Variants in FYTTD1 observed in about 807,000 individuals in gnomAD.
The protein encoded by FYTTD1 is UAP56-interacting factor.
FYTTD1 carries 22 observed loss-of-function variants against 40.9 expected under a neutral mutation model. The observed-to-expected ratio is 0.54, with a 90% CI of 0.38 to 0.77. The LOEUF is 0.77. Ranked by LOEUF, FYTTD1 falls within the 30% of genes least tolerant of loss-of-function variation. FYTTD1 has a pLI of 0.00. For synonymous variants in FYTTD1, 140 were observed against 137.9 expected (o/e 1.01, Z -0.10); for missense variants, 351 against 392.2 (o/e 0.90, Z 0.89).
intron 4 of FYTTD1, among the ~76,000 whole-genome samples, chr3:197,771,474 C>G (rs1729713375): frequency 1.3e-5 from 2 of 152,156 alleles, no homozygotes; most frequent in South Asian, 4.1e-4. Flanking sequence ...AACCCCATCT[C>G]TACTGAAAAT....
At chr3:197,749,822 C>A, upstream of FYTTD1, 1 of 486,090 alleles carries the variant, frequency 2.1e-6, no homozygotes, top group South Asian at 3.6e-5. Flanking sequence ...GTCGGTGGCC[C>A]CGCCCCGCCC....
At chr3:197,774,292 A>C (rs1317285161) in intron 6 of FYTTD1, 82 bp downstream of exon 6, 2 of 1,157,220 alleles carry the variant, frequency 1.7e-6, no homozygotes, top group Non-Finnish European at 2.6e-6. Context: ...ACCTCAGTCC[A>C]GAAGAAATTA....
At chr3:197,776,463 T>G (rs1309942488) in intron 6 of FYTTD1, among the ~76,000 whole-genome samples, 1 of 148,806 alleles carries the variant, frequency 6.7e-6, no homozygotes, top group Non-Finnish European at 1.5e-5. Flanking sequence ...GACCTCATGA[T>G]CCACCTGCCT....
chr3:197,769,018 G>A (rs1380453047), intron 3 of FYTTD1, among the ~76,000 whole-genome samples: 1 of 149,238 alleles, frequency 6.7e-6, no homozygotes, highest in Non-Finnish European at 1.5e-5. Flanking sequence ...GCCCACCTTG[G>A]CCTCCCAAAG....
Position 197,782,710 on chromosome 3 carries a change from AC to A in FYTTD1, c.*804del, listed in dbSNP as rs911720688. 32 of 152,196 alleles carry A rather than the reference AC, an allele frequency of 2.1e-4. No homozygotes were observed. The highest frequency in any genetic ancestry group is 7.7e-4 in the African/African-American group (32 of 41,502). 9.4% of individuals were successfully genotyped at this position (152,196 alleles called of 1,614,324 possible). On this transcript the variant is annotated 3_prime_UTR_variant, in exon 9 of 9. Coordinates refer to ENST00000241502, the MANE Select transcript of FYTTD1 (RefSeq NM_032288.7). Reference sequence around the variant, plus strand: ...GGTAGTTGAGATGAAACACTTCAAAACCCTGGTTATAGATGTACTGTTTGGA... The same window carrying A: ...GGTAGTTGAGATGAAACACTTCAAAACCTGGTTATAGATGTACTGTTTGGA...
chr3:197,771,702 G>A (rs1475109273), intron 4 of FYTTD1, among the ~76,000 whole-genome samples: 9 of 150,344 alleles, frequency 6.0e-5, no homozygotes, highest in South Asian at 2.1e-4. Context: ...GCGTGAACCC[G>A]GGAGGCGGAG....
chr3:197,752,280 C>T (rs2109033967), intron 1 of FYTTD1, among the ~76,000 whole-genome samples: 1 of 152,328 alleles, frequency 6.6e-6, no homozygotes, highest in East Asian at 1.9e-4. Flanking sequence ...CCTGCCTCTG[C>T]CACTTTGTAA....
chr3:197,778,316 T>C (rs778771805), intron 7 of FYTTD1, 22 bp from the exon 8 acceptor site: 1 of 1,571,638 alleles, frequency 6.4e-7, no homozygotes, highest in Admixed American at 1.9e-5. Context: ...GCTGCTCTGA[T>C]ATTTTAATAT....
chr3:197,755,286 G>C (rs1448427352), intron 1 of FYTTD1, among the ~76,000 whole-genome samples: 1 of 152,038 alleles, frequency 6.6e-6, no homozygotes, highest in Non-Finnish European at 1.5e-5. Flanking sequence ...TTTAGAAAAG[G>C]GACCGTATTT....
chr3:197,777,243 T>G lies in FYTTD1; in HGVS notation c.731+242T>G, dbSNP rs191419477. On this transcript the variant is annotated intron_variant, in intron 7 of 8. Coordinates refer to ENST00000241502, the MANE Select transcript of FYTTD1 (RefSeq NM_032288.7). ...AGTGTTTTTTATGTTTTAAAAATTA[T>G]GTGCATGTATACTCTGTGTACCCTT... Among the ~76,000 whole-genome samples the G allele has an allele frequency of 3.3e-4, 51 of 152,360 alleles. 1 individual carries two copies. Among genetic ancestry groups the G allele is most frequent in the Middle Eastern group, 6.8e-3 (2 of 294 alleles).
chr3:197,749,918 AGGCCTGCGACTCC>A lies in FYTTD1; in HGVS notation c.-48_-36del. On this transcript the variant is annotated 5_prime_UTR_variant, in exon 1 of 9. Coordinates refer to ENST00000241502, the MANE Select transcript of FYTTD1 (RefSeq NM_032288.7). ...GCTGCGTGCGCGAGTGGGAGGTGGCAGGCCTGCGACTCCGGCCTTGTCCGCGCCCGCTCTCGGC... is the reference window on the plus strand; with the variant it reads ...GCTGCGTGCGCGAGTGGGAGGTGGCAGGCCTTGTCCGCGCCCGCTCTCGGC... 3.4e-6 allele frequency: 4 copies of A among 1,187,312 alleles called. No individual in the cohort carries two copies. In the South Asian group the frequency reaches 6.1e-5, roughly 18 times the overall value. The allele number at this position is 1,187,312 out of a possible 1,614,324, so 73.5% of individuals were successfully genotyped here.
chr3:197,765,900 G>T (rs1334274827), intron 2 of FYTTD1, among the ~76,000 whole-genome samples: 1 of 152,104 alleles, frequency 6.6e-6, no homozygotes, highest in Non-Finnish European at 1.5e-5. Flanking sequence ...GGAGACTGAG[G>T]CAGGAGAATG....
Position 197,759,130 on chromosome 3 carries a change from T to C in FYTTD1, c.235+2573T>C, listed in dbSNP as rs138336829. Among the ~76,000 whole-genome samples the C allele has an allele frequency of 3.1e-3, 469 of 151,964 alleles. 2 individuals carry two copies. The highest frequency in any genetic ancestry group is 0.01 in the Middle Eastern group (3 of 292). On this transcript the variant is annotated intron_variant, in intron 2 of 8. Transcript: ENST00000241502. ...CAGTGGTAGAATGTATAGAGTGTTC[T>C]TCAGTGGTAGAATGTATAGAGTTGT...
intron 8 of FYTTD1, among the ~76,000 whole-genome samples, chr3:197,779,079 T>C (rs538513430): frequency 6.0e-4 from 92 of 152,314 alleles, no homozygotes; most frequent in Middle Eastern, 6.8e-3. Flanking sequence ...TGTTCGACTA[T>C]AGCCATCTAG....
chr3:197,761,470 G>T (rs527844082), intron 2 of FYTTD1, among the ~76,000 whole-genome samples: 2 of 151,492 alleles, frequency 1.3e-5, no homozygotes, highest in African/African-American at 4.9e-5. Context: ...GTGGTAGAAT[G>T]TATAAAGTGT....
intron 2 of FYTTD1, among the ~76,000 whole-genome samples, chr3:197,758,393 T>C (rs931427547): frequency 1.3e-5 from 2 of 152,176 alleles, no homozygotes; most frequent in Non-Finnish European, 2.9e-5. Flanking sequence ...ACTGATTGGG[T>C]CCTAGGGGGT....
chr3:197,770,376 A>T (rs1166175421), intron 4 of FYTTD1, 132 bp downstream of exon 4: 1 of 639,226 alleles, frequency 1.6e-6, no homozygotes, highest in Non-Finnish European at 2.8e-6. Context: ...TGGGATGTCT[A>T]TCTGAACATC....
At chr3:197,762,944 A>C (rs985771280) in intron 2 of FYTTD1, among the ~76,000 whole-genome samples, 2 of 152,124 alleles carry the variant, frequency 1.3e-5, no homozygotes, top group African/African-American at 4.8e-5. Context: ...CTGTACAGCA[A>C]ACCCCCGTGA....
At position 197,750,727 on chromosome 3, in the gene FYTTD1, C is replaced by G. The variant is rs1728998231; in HGVS notation, c.103+653C>G. 1.1e-5 allele frequency: 11 copies of G among 985,324 alleles called. No homozygotes were observed. The South Asian group carries it at 4.7e-4, about 42-fold the overall frequency. The allele number at this position is 985,324 out of a possible 1,614,324, so 61.0% of individuals were successfully genotyped here. A position where few individuals can be genotyped will look rare whatever the true frequency, so the allele number is the denominator to read the frequency against. ...GTGTATTGAGCGCTGCCTAGAAAAG[C>G]ACAGTCTCCCTCTCCAGGCCTCAGA... On this transcript the variant is annotated intron_variant, in intron 1 of 8. Coordinates refer to ENST00000241502, the MANE Select transcript of FYTTD1 (RefSeq NM_032288.7).
Sources: gnomAD v4.1 joint callset for allele counts (sites outside exome capture counted in the v4.1 genomes callset) on GRCh38, gnomAD v4.1.1 for gene constraint, MANE v1.5 for transcripts, NCBI Gene and HGNC (gene_info 2026-07-23, HGNC 2026-07-21) for gene names.